The following ASPM variants were observed in gnomAD, a reference collection of about 807,000 sequenced individuals.
The protein encoded by ASPM is assembly factor for spindle microtubules, also known as abnormal spindle-like microcephaly-associated protein.
Under a neutral mutation model 366.4 loss-of-function variants are expected in ASPM, and 256 were observed. The ratio of observed to expected loss-of-function variants is 0.70; its 90% confidence interval spans 0.63 to 0.77. The LOEUF (loss-of-function observed/expected upper bound fraction) is 0.77, where lower values mean the gene tolerates loss of function less well. Among genes scored for constraint, ASPM ranks in the 30% least tolerant of loss-of-function variants. ASPM has a pLI of 0.00. For synonymous variants in ASPM, 1,414 were observed against 1,342.9 expected, an observed-to-expected ratio of 1.05 and a Z score of -1.16; for missense variants, 4,146 against 4,090.4, an observed-to-expected ratio of 1.01 and a Z score of -0.37.
chr1:197,135,181 C>G lies in ASPM; in HGVS notation c.2088G>C (p.Lys696Asn). Residue 696 changes from lysine to asparagine, a missense_variant, in exon 5 of 28, where the codon AAG (lysine) becomes AAC (asparagine). Coordinates refer to ENST00000367409, the MANE Select transcript of ASPM (RefSeq NM_018136.5). Reference sequence around the variant, plus strand: ...AAGTGAAGCCCTGTTCCTGCTTTTCCTTCCAGCGTTCATCATAAAACATGT... The same window carrying G: ...AAGTGAAGCCCTGTTCCTGCTTTTCGTTCCAGCGTTCATCATAAAACATGT... ...AKNMFYDERWKEKQEQGFTWW... is the reference protein window; with the variant it reads ...AKNMFYDERWNEKQEQGFTWW... 4 of 1,613,786 alleles carry G rather than the reference C, an allele frequency of 2.5e-6. No homozygotes were observed. Among genetic ancestry groups the G allele is most frequent in the Non-Finnish European group, 3.4e-6 (4 of 1,179,776 alleles).
At chr1:197,115,161 A>G (rs1189816151) in intron 17 of ASPM, among the ~76,000 whole-genome samples, 1 of 152,100 alleles carries the variant, frequency 6.6e-6, no homozygotes, top group Non-Finnish European at 1.5e-5. Flanking sequence ...TATAGGAATG[A>G]GCTACCACAC....
At chr1:197,109,134 T>C (rs1316116651) in intron 17 of ASPM, among the ~76,000 whole-genome samples, 1 of 151,600 alleles carries the variant, frequency 6.6e-6, no homozygotes, top group Non-Finnish European at 1.5e-5. Flanking sequence ...AAAAATAAAA[T>C]AAAATAGAAA....
rs763175387 is a variant in ASPM, at chr1:197,100,804, C to A, written c.8447G>T (p.Arg2816Met). ...AGCTTTTTGAATTGTTACTGCAGCC[C>A]TACTTTGAGAATGATACTCTGCTTC... ...SQEAEYHSQS[R>M]AAVTIQKAFC... The change falls in exon 18 of 28, where the codon AGG becomes ATG. Residue 2816 changes from arginine to methionine, a missense_variant. Physicochemically the swap from Arg to Met is moderately conservative, Grantham distance 91 (BLOSUM62 -1). This residue lies in a region of ASPM where 3,624 missense variants were observed against 3,591.7 expected (regional missense o/e 1.01). Coordinates refer to ENST00000367409, the MANE Select transcript of ASPM (RefSeq NM_018136.5). The A allele has an allele frequency of 5.6e-6, 9 of 1,612,388 alleles. No homozygotes were observed. In the East Asian group the frequency reaches 2.0e-4, roughly 36 times the overall value.
chr1:197,086,762 G>T, intron 27 of ASPM, 41 bp downstream of exon 27: 1 of 1,505,782 alleles, frequency 6.6e-7, no homozygotes, highest in Non-Finnish European at 9.2e-7. Context: ...ATGAATGAAT[G>T]AACAGTGACA....
rs35897746 is a variant in ASPM, at chr1:197,133,462, T to C, written c.2307A>G (p.Ala769=). ...TTTTTTCAGAAGTAAACAAACGGCA[T>C]GCTGCACGACGTAGTCTGTTTAACC... is the stretch of plus-strand genomic sequence containing the variant. ...RCRLNRLRRA[A]CRLFTSEKMV... is the part of the protein sequence containing the mutation. The change falls in exon 6 of 28, where the codon GCA becomes GCG. Residue 769 remains alanine (A), a synonymous_variant. Transcript: ENST00000367409. The C allele has an allele frequency of 2.6e-3, 4,201 of 1,614,116 alleles. 88 individuals are homozygous for C. In the African/African-American group the frequency reaches 0.046, roughly 18 times the overall value.
chr1:197,133,502 T>C lies in ASPM; in HGVS notation c.2267A>G (p.Tyr756Cys), dbSNP rs201066146. ...TCTGTTTAACCTACACCGAGCAGTATAAGCTCTGAGAGACATTTCCTCTTT... is the reference window on the plus strand; with the variant it reads ...TCTGTTTAACCTACACCGAGCAGTACAAGCTCTGAGAGACATTTCCTCTTT... ...PTKEEMSLRA[Y>C]TARCRLNRLR... The change falls in exon 6 of 28, where the codon TAT becomes TGT. Residue 756 changes from tyrosine (Y) to cysteine (C), a missense_variant. Tyr to Cys is a radical substitution (Grantham distance 194, BLOSUM62 -2). Around this residue, in one of 3 missense-constraint regions of ASPM, gnomAD observed 3,624 missense variants for 3,591.7 expected, o/e 1.01. Coordinates refer to ENST00000367409, the MANE Select transcript of ASPM (RefSeq NM_018136.5). 8.1e-4 allele frequency: 1,312 copies of C among 1,614,140 alleles called. 15 individuals are homozygous for C. In the South Asian group the frequency reaches 9.6e-3, roughly 12 times the overall value.
intron 16 of ASPM, among the ~76,000 whole-genome samples, chr1:197,121,334 C>T (rs1657900910): frequency 6.6e-6 from 1 of 152,026 alleles, no homozygotes; most frequent in Non-Finnish European, 1.5e-5. Flanking sequence ...CAAAGGGAAA[C>T]AATAAATAAC....
chr1:197,110,483 C>T (rs189638483), intron 17 of ASPM, among the ~76,000 whole-genome samples: 49 of 152,032 alleles, frequency 3.2e-4, no homozygotes, highest in East Asian at 3.9e-4. Context: ...TTTGATATGA[C>T]GCTAAAAGCA....
chr1:197,128,739 A>C, intron 9 of ASPM, 74 bp from the exon 10 acceptor site: 2 of 1,181,388 alleles, frequency 1.7e-6, no homozygotes, highest in East Asian at 2.6e-5. Flanking sequence ...AATCCTCCAA[A>C]TCATTCTGTA....
At chr1:197,088,508 AT>A in intron 25 of ASPM, 76 bp from the exon 26 acceptor site, 1 of 1,425,360 alleles carries the variant, frequency 7.0e-7, no homozygotes, top group Non-Finnish European at 9.6e-7. Context: ...AAAAAACAAA[AT>A]ACAAAAGTCC....
intron 10 of ASPM, among the ~76,000 whole-genome samples, chr1:197,128,079 G>A (rs1004417640): frequency 6.6e-6 from 1 of 151,932 alleles, no homozygotes; most frequent in Admixed American, 6.5e-5. Context: ...GCAGGAGAAT[G>A]GCGTGAACCC....
intron 5 of ASPM, among the ~76,000 whole-genome samples, 193 bp from the exon 6 acceptor site, chr1:197,133,788 C>T (rs1020112119): frequency 6.6e-6 from 1 of 152,188 alleles, no homozygotes; most frequent in African/African-American, 2.4e-5. Flanking sequence ...AGTCTAGCCA[C>T]TTTTCACCGC....
intron 22 of ASPM, among the ~76,000 whole-genome samples, chr1:197,091,705 T>C (rs918000528): frequency 1.3e-5 from 2 of 152,000 alleles, no homozygotes; most frequent in Non-Finnish European, 2.9e-5. Context: ...TACAATTACA[T>C]CAGACAATAA....
At chr1:197,130,077 AAGTC>A (rs1557959606) in intron 7 of ASPM, 21 bp from the exon 8 acceptor site, 1 of 1,610,798 alleles carries the variant, frequency 6.2e-7, no homozygotes, top group Non-Finnish European at 8.5e-7. Flanking sequence ...ATTAAAGCCA[AAGTC>A]AGAATTATGC....
chr1:197,084,451 G>C, intron 27 of ASPM, 25 bp from the exon 28 acceptor site: 1 of 1,349,498 alleles, frequency 7.4e-7, no homozygotes, highest in Non-Finnish European at 1.1e-6. Flanking sequence ...AAAAAAGTCT[G>C]GCATTAATAA....
chr1:197,105,151 A>T lies in ASPM; in HGVS notation c.4100T>A (p.Phe1367Tyr). Residue 1367 changes from phenylalanine to tyrosine, a missense_variant, in exon 18 of 28, where the codon TTT becomes TAT. Phe to Tyr is a conservative substitution (Grantham distance 22). Around this residue, in one of 3 missense-constraint regions of ASPM, gnomAD observed 3,624 missense variants for 3,591.7 expected, o/e 1.01. Transcript: ENST00000367409. Reference protein sequence around the residue: ...YWRRYSTRQRFLKLKYYSIIL... With the variant: ...YWRRYSTRQRYLKLKYYSIIL... Reference sequence around the variant, plus strand: ...GATTGAATAATATTTCAATTTCAGAAATCTTTGTCTAGTGGAATATCTTCT... The same window carrying T: ...GATTGAATAATATTTCAATTTCAGATATCTTTGTCTAGTGGAATATCTTCT... The T allele has an allele frequency of 6.2e-7, 1 of 1,608,776 alleles. No homozygotes were observed. The highest frequency in any genetic ancestry group is 8.5e-7 in the Non-Finnish European group (1 of 1,176,154).
chr1:197,145,087 T>C (rs1055744650), intron 1 of ASPM, among the ~76,000 whole-genome samples: 5 of 151,988 alleles, frequency 3.3e-5, no homozygotes, highest in Non-Finnish European at 7.4e-5. Context: ...GGTTCTGAAG[T>C]GTAGATAGAT....
intron 7 of ASPM, among the ~76,000 whole-genome samples, chr1:197,130,785 C>T (rs1658233008): frequency 6.6e-6 from 1 of 152,114 alleles, no homozygotes; most frequent in Non-Finnish European, 1.5e-5. Context: ...AAAGATTATA[C>T]ATCCCCACCA....
At chr1:197,131,759 C>T (rs1208603216) in intron 7 of ASPM, among the ~76,000 whole-genome samples, 3 of 151,772 alleles carry the variant, frequency 2.0e-5, no homozygotes, top group African/African-American at 7.3e-5. Context: ...TAGGGTTTCA[C>T]CATGTTAGCC....
Sources: gnomAD v4.1 joint callset for allele counts (sites outside exome capture counted in the v4.1 genomes callset) on GRCh38, gnomAD v4.1.1 for gene constraint, gnomAD v4.1.1 regional missense constraint, MANE v1.5 for transcripts, NCBI Gene and HGNC (gene_info 2026-07-23, HGNC 2026-07-21) for gene names.